Variants in TENM4 observed in about 807,000 individuals in gnomAD.
TENM4 encodes the protein teneurin-4.
Under a neutral mutation model 243.3 loss-of-function variants are expected in TENM4, and 82 were observed. That is an observed-to-expected ratio of 0.34 (90% confidence interval 0.28 to 0.40). TENM4 has a LOEUF of 0.40. Ranked by LOEUF, TENM4 falls within the 10% of genes least tolerant of loss-of-function variation. The pLI is 1.00. For missense variants in TENM4, 3,138 were observed against 3,673.3 expected (o/e 0.85, Z 3.77); for synonymous variants, 1,412 against 1,456.3 (o/e 0.97, Z 0.69).
chr11:79,060,870 G>A (rs916401330), intron 6 of TENM4, among the ~76,000 whole-genome samples: 1 of 152,194 alleles, frequency 6.6e-6, no homozygotes, highest in African/African-American at 2.4e-5. Flanking sequence ...TGACCACACT[G>A]TGATGTGTTC....
At chr11:78,887,243 T>C (rs1258910580) in intron 9 of TENM4, among the ~76,000 whole-genome samples, 1 of 152,218 alleles carries the variant, frequency 6.6e-6, no homozygotes, top group Admixed American at 6.5e-5. Context: ...TTTCAAGTCT[T>C]TGTAAGCTCC....
chr11:79,001,808 G>A (rs1321360711), intron 6 of TENM4, among the ~76,000 whole-genome samples: 1 of 152,088 alleles, frequency 6.6e-6, no homozygotes, highest in African/African-American at 2.4e-5. Context: ...GCCCAACCAG[G>A]GTGCATCCTG....
intron 4 of TENM4, among the ~76,000 whole-genome samples, chr11:79,089,502 A>G (rs925609615): frequency 6.6e-6 from 1 of 152,210 alleles, no homozygotes; most frequent in Non-Finnish European, 1.5e-5. Context: ...CTACCTCACC[A>G]GAGGGAAGTG....
Position 78,805,277 on chromosome 11 carries a change from T to TAC in TENM4, c.2179+14_2179+15insGT. The TAC allele has an allele frequency of 7.1e-7, 1 of 1,402,548 alleles. No individual in the cohort carries two copies. The highest frequency in any genetic ancestry group is 9.7e-7 in the Non-Finnish European group (1 of 1,033,116). 86.9% of individuals were successfully genotyped at this position (1,402,548 alleles called of 1,614,324 possible). On this transcript the variant is annotated intron_variant, in intron 15 of 33. Transcript: ENST00000278550. ...CCCCTCCCTCTACCCATGCTTCTTC[T>TAC]CCCCCTGCATTTACCGATAGAACAG...
intron 3 of TENM4, among the ~76,000 whole-genome samples, chr11:79,150,167 C>T (rs1232124124): frequency 1.3e-5 from 2 of 152,112 alleles, no homozygotes; most frequent in Non-Finnish European, 2.9e-5. Context: ...CAAATCCATC[C>T]TTGTTATGAC....
intron 1 of TENM4, among the ~76,000 whole-genome samples, chr11:79,370,779 T>TAAAAGAAAAA (rs1857766656): frequency 1.7e-5 from 1 of 57,144 alleles, no homozygotes; most frequent in African/African-American, 5.9e-5. Flanking sequence ...ACTCCTATGG[T>TAAAAGAAAAA]AAAAAAAAAA....
At chr11:78,672,750 C>T (rs1303059004) in intron 30 of TENM4, among the ~76,000 whole-genome samples, 18 of 152,164 alleles carry the variant, frequency 1.2e-4, no homozygotes, top group Non-Finnish European at 2.5e-4. Flanking sequence ...CCAGACACTG[C>T]GGAGACCAAA....
At chr11:78,790,165 AAACT>A (rs1857022867) in intron 15 of TENM4, among the ~76,000 whole-genome samples, 5 of 152,250 alleles carry the variant, frequency 3.3e-5, no homozygotes, top group Admixed American at 3.3e-4. Context: ...GATAAAGCAC[AAACT>A]AATATTGGCA....
At chr11:79,174,803 C>T (rs1297371864) in intron 3 of TENM4, among the ~76,000 whole-genome samples, 2 of 152,212 alleles carry the variant, frequency 1.3e-5, no homozygotes, top group Admixed American at 1.3e-4. Flanking sequence ...AGGAACTTCT[C>T]CTTCACCTTG....
At chr11:78,715,922 C>T (rs1329874774) in intron 25 of TENM4, among the ~76,000 whole-genome samples, 3 of 152,216 alleles carry the variant, frequency 2.0e-5, no homozygotes, top group Non-Finnish European at 4.4e-5. Flanking sequence ...GTCTGCAGAA[C>T]AGAGCTGCAG....
chr11:79,175,141 C>T (rs149631816), intron 3 of TENM4, among the ~76,000 whole-genome samples: 5 of 152,254 alleles, frequency 3.3e-5, no homozygotes, highest in African/African-American at 9.6e-5. Context: ...ACCGTCAAAC[C>T]TGGTGTTAAC....
chr11:78,693,341 C>T (rs1001706541), intron 28 of TENM4, among the ~76,000 whole-genome samples: 6 of 152,134 alleles, frequency 3.9e-5, no homozygotes, highest in Admixed American at 2.0e-4. Context: ...GGATAAGCAA[C>T]TTGCCTAAGA....
In TENM4 at chr11:78,658,743, A is replaced by G; in HGVS notation, c.7625T>C (p.Leu2542Pro). The G allele has an allele frequency of 1.9e-6, 3 of 1,614,006 alleles. No individual in the cohort carries two copies. The highest frequency in any genetic ancestry group is 2.5e-6 in the Non-Finnish European group (3 of 1,179,898). Residue 2542 changes from leucine to proline, a missense_variant, in exon 34 of 34, where the codon CTC (leucine) becomes CCC (proline). Physicochemically the swap from Leu to Pro is moderately conservative, Grantham distance 98. Transcript: ENST00000278550. ...AFVTLERFDQ[L>P]YGSTITSCQQ... ...GCAGCTGGTGATTGTGGAGCCATAG[A>G]GCTGGTCAAACCGTTCTAAGGTGAC... is the stretch of plus-strand genomic sequence containing the variant.
At chr11:78,677,498 T>G (rs1445760692) in intron 29 of TENM4, among the ~76,000 whole-genome samples, 1 of 152,126 alleles carries the variant, frequency 6.6e-6, no homozygotes, top group African/African-American at 2.4e-5. Context: ...CAAGCAATCC[T>G]TCCACCTTAG....
At position 79,148,083 on chromosome 11, in the gene TENM4, G is replaced by A. The variant is rs189622470; in HGVS notation, c.-66+627C>T. ...GGCTGAACCCAGGCCTGCTCTTTGGGTTTACCCTGCTTTGATTCTCATCCA... is the reference window on the plus strand; with the variant it reads ...GGCTGAACCCAGGCCTGCTCTTTGGATTTACCCTGCTTTGATTCTCATCCA... On this transcript the variant is annotated intron_variant, in intron 4 of 33. Coordinates refer to ENST00000278550, the MANE Select transcript of TENM4 (RefSeq NM_001098816.3). 2.8e-3 allele frequency among the ~76,000 whole-genome samples: 430 copies of A among 152,190 alleles called. 6 individuals are homozygous for A. Among genetic ancestry groups the A allele is most frequent in the East Asian group, 9.7e-4 (5 of 5,158 alleles).
intron 3 of TENM4, among the ~76,000 whole-genome samples, chr11:79,164,957 ATGTGTGTGTGTG>A (rs369197845): frequency 4.7e-4 from 66 of 139,928 alleles, no homozygotes; most frequent in African/African-American, 1.3e-3. Flanking sequence ...CTATATATAT[ATGTGTGTGTGTG>A]TGTGTGTGTG....
intron 10 of TENM4, among the ~76,000 whole-genome samples, chr11:78,858,819 T>C (rs1021035686): frequency 1.3e-5 from 2 of 152,124 alleles, no homozygotes; most frequent in African/African-American, 2.4e-5. Context: ...AAAATAGTAA[T>C]AGATTTTAAT....
chr11:78,854,241 C>G lies in TENM4; in HGVS notation c.1544G>C (p.Arg515Pro). ...GGGGGGCACAGTTCCCCGAGACTGG[C>G]GCGGGGTCCCCTCTAGGCTCCGCGC... ...QEARSLEGTPRQSRGTVPPSS... is the reference protein window; with the variant it reads ...QEARSLEGTPPQSRGTVPPSS... Residue 515 changes from arginine to proline, a missense_variant, in exon 12 of 34, where the codon CGC becomes CCC. Arg to Pro is a moderately radical substitution (Grantham distance 103, BLOSUM62 -2). Around this residue, in one of 2 missense-constraint regions of TENM4, gnomAD observed 2,467 missense variants for 3,059.1 expected, o/e 0.81. Coordinates refer to ENST00000278550, the MANE Select transcript of TENM4 (RefSeq NM_001098816.3). 6.4e-7 allele frequency: 1 copy of G among 1,551,050 alleles called. No individual in the cohort carries two copies. Among genetic ancestry groups the G allele is most frequent in the Non-Finnish European group, 8.7e-7 (1 of 1,146,682 alleles).
chr11:78,811,571 C>CACACACAT (rs369775289), intron 14 of TENM4, among the ~76,000 whole-genome samples: 1,729 of 61,498 alleles, frequency 0.028, 40 homozygotes, highest in African/African-American at 0.062. Flanking sequence ...TACACATGAA[C>CACACACAT]ACACACACAC....
Sources: gnomAD v4.1 joint callset for allele counts (sites outside exome capture counted in the v4.1 genomes callset) on GRCh38, gnomAD v4.1.1 for gene constraint, gnomAD v4.1.1 regional missense constraint, MANE v1.5 for transcripts, NCBI Gene and HGNC (gene_info 2026-07-23, HGNC 2026-07-21) for gene names.